Variants in ASB1 observed in about 807,000 individuals in gnomAD.
ASB1 encodes ankyrin repeat and SOCS box protein 1.
In ASB1, 18 loss-of-function variants were observed where a neutral mutation model predicts 27.7. That is an observed-to-expected ratio of 0.65 (90% confidence interval 0.45 to 0.96). The LOEUF (loss-of-function observed/expected upper bound fraction) is 0.96. ASB1 is among the 50% of genes least tolerant of loss of function. The pLI is 0.00. For missense variants in ASB1, 397 were observed against 451.7 expected (o/e 0.88, Z 1.10); for synonymous variants, 189 against 187.6 (o/e 1.01, Z -0.06).
intron 4 of ASB1, among the ~76,000 whole-genome samples, chr2:238,446,107 C>T (rs1410916839): frequency 3.3e-5 from 5 of 152,192 alleles, no homozygotes; most frequent in East Asian, 3.9e-4. Context: ...TAAACATGGT[C>T]GAGTTGTGAT....
chr2:238,441,119 C>T (rs937092908), intron 3 of ASB1, among the ~76,000 whole-genome samples: 13 of 151,382 alleles, frequency 8.6e-5, no homozygotes, highest in African/African-American at 1.5e-4. Context: ...TGAGTTCATG[C>T]GTTTCTTTTT....
intron 2 of ASB1, 28 bp from the exon 3 acceptor site, chr2:238,435,683 C>T: frequency 6.3e-7 from 1 of 1,591,960 alleles, no homozygotes; most frequent in East Asian, 2.2e-5. Context: ...GGCTGCCTCT[C>T]ATGAGCCCCC....
At chr2:238,439,491 G>T (rs1702038435) in intron 3 of ASB1, among the ~76,000 whole-genome samples, 1 of 152,210 alleles carries the variant, frequency 6.6e-6, no homozygotes, top group Non-Finnish European at 1.5e-5. Context: ...TGTGATTGCG[G>T]CATGGAAGGT....
At chr2:238,438,570 C>G (rs1296790970) in intron 3 of ASB1, among the ~76,000 whole-genome samples, 6 of 152,218 alleles carry the variant, frequency 3.9e-5, no homozygotes, top group Middle Eastern at 3.2e-3. Context: ...ACATTACTTT[C>G]ACAAGGTGGT....
At chr2:238,443,901 T>C (rs530960881) in intron 3 of ASB1, among the ~76,000 whole-genome samples, 5 of 152,374 alleles carry the variant, frequency 3.3e-5, no homozygotes, top group African/African-American at 1.2e-4. Context: ...TTAATATACT[T>C]AAGGATTCTC....
At chr2:238,444,220 C>T (rs1297557591) in intron 3 of ASB1, 122 bp from the exon 4 acceptor site, 21 of 1,045,702 alleles carry the variant, frequency 2.0e-5, no homozygotes, top group South Asian at 1.5e-4. Flanking sequence ...TCTCCTACAG[C>T]GCCTGGTGTC....
chr2:238,429,277 A>G (rs1701821880), intron 1 of ASB1, among the ~76,000 whole-genome samples: 1 of 152,230 alleles, frequency 6.6e-6, no homozygotes, highest in Admixed American at 6.5e-5. Context: ...ACAGCATGGC[A>G]GAGCAGGGAC....
chr2:238,433,154 G>A (rs1022950367), intron 1 of ASB1, among the ~76,000 whole-genome samples: 13 of 152,066 alleles, frequency 8.5e-5, no homozygotes, highest in African/African-American at 1.9e-4. Flanking sequence ...TTTTCTTTAG[G>A]ATCTTGTTTC....
intron 2 of ASB1, chr2:238,435,067 GT>G (rs1701941691): frequency 6.6e-6 from 1 of 152,504 alleles, no homozygotes. Context: ...ACCCGTTGCG[GT>G]CGCTGCCTTG....
intron 1 of ASB1, among the ~76,000 whole-genome samples, chr2:238,431,388 G>A (rs1701869083): frequency 6.6e-6 from 1 of 152,220 alleles, no homozygotes; most frequent in Non-Finnish European, 1.5e-5. Context: ...TTAGGCTTTG[G>A]CCTAAGGGAA....
At position 238,448,673 on chromosome 2, in the gene ASB1, T is replaced by C; in HGVS notation, c.*2162T>C. 1 of 152,614 alleles carries C rather than the reference T, an allele frequency of 6.6e-6. No individual in the cohort carries two copies. Among genetic ancestry groups the C allele is most frequent in the Non-Finnish European group, 1.5e-5 (1 of 68,250 alleles). 9.5% of individuals were successfully genotyped at this position (152,614 alleles called of 1,614,324 possible). A position where few individuals can be genotyped will look rare whatever the true frequency, so the allele number is the denominator to read the frequency against. On this transcript the variant is annotated 3_prime_UTR_variant, in exon 5 of 5. Coordinates refer to ENST00000264607, the MANE Select transcript of ASB1 (RefSeq NM_001040445.3). ...CAGGAGGTGGCTCAGTTATTGAACC[T>C]TTTGGGAAGCAGCACCTGGGAATGC...
chr2:238,433,235 G>A (rs1258534480), intron 1 of ASB1: 2 of 204,500 alleles, frequency 9.8e-6, no homozygotes, highest in Non-Finnish European at 2.0e-5. Flanking sequence ...TCTTGTCAGC[G>A]TTGGTGTCAG....
At chr2:238,444,020 G>GTT (rs1408210006) in intron 3 of ASB1, among the ~76,000 whole-genome samples, 2 of 152,228 alleles carry the variant, frequency 1.3e-5, no homozygotes, top group African/African-American at 4.8e-5. Flanking sequence ...TATTGTGCCA[G>GTT]TTTCATCAGA....
At chr2:238,439,720 A>G (rs1023245123) in intron 3 of ASB1, among the ~76,000 whole-genome samples, 1 of 152,168 alleles carries the variant, frequency 6.6e-6, no homozygotes, top group African/African-American at 2.4e-5. Flanking sequence ...CAGGAATCGC[A>G]AAGGGAGGTT....
chr2:238,432,308 T>C (rs943189794), intron 1 of ASB1, among the ~76,000 whole-genome samples: 1 of 152,250 alleles, frequency 6.6e-6, no homozygotes, highest in African/African-American at 2.4e-5. Flanking sequence ...TCACGCTTTA[T>C]TTAAAATTCC....
chr2:238,437,012 A>G (rs1701985472), intron 3 of ASB1, among the ~76,000 whole-genome samples: 1 of 152,136 alleles, frequency 6.6e-6, no homozygotes. Flanking sequence ...TGTAATATTT[A>G]GTTTTAACCC....
chr2:238,430,957 G>T (rs554220999), intron 1 of ASB1, among the ~76,000 whole-genome samples: 1 of 152,214 alleles, frequency 6.6e-6, no homozygotes, highest in Non-Finnish European at 1.5e-5. Flanking sequence ...TTTATAGTGC[G>T]CAGGCAGGAG....
At chr2:238,429,848 G>A (rs7597378) in intron 1 of ASB1, among the ~76,000 whole-genome samples, 1,620 of 151,268 alleles carry the variant, frequency 0.011, 38 homozygotes, top group African/African-American at 0.037. Flanking sequence ...TGAGGCAGGA[G>A]AATGGCGTGA....
chr2:238,439,915 A>T (rs1432940054), intron 3 of ASB1, among the ~76,000 whole-genome samples: 1 of 152,148 alleles, frequency 6.6e-6, no homozygotes, highest in Non-Finnish European at 1.5e-5. Flanking sequence ...TGTCCTGTTC[A>T]TCTCAGATTT....
Sources: gnomAD v4.1 joint callset for allele counts (sites outside exome capture counted in the v4.1 genomes callset) on GRCh38, gnomAD v4.1.1 for gene constraint, MANE v1.5 for transcripts, NCBI Gene and HGNC (gene_info 2026-07-23, HGNC 2026-07-21) for gene names.